The following SPAG9 variants were observed in gnomAD, a reference collection of about 807,000 sequenced individuals.
The protein encoded by SPAG9 is sperm associated antigen 9.
Under a neutral mutation model 166.5 loss-of-function variants are expected in SPAG9, and 35 were observed. The ratio of observed to expected loss-of-function variants is 0.21; its 90% CI spans 0.16 to 0.28. SPAG9 has a LOEUF of 0.28. Among genes scored for constraint, SPAG9 ranks in the 10% least tolerant of loss-of-function variants. The pLI is 1.00. For missense variants in SPAG9, 1,235 were observed against 1,603.3 expected, an observed-to-expected ratio of 0.77 and a Z score of 3.92; for synonymous variants, 534 against 565.5, an observed-to-expected ratio of 0.94 and a Z score of 0.79.
At chr17:51,022,509 G>T (rs1474681906) in intron 6 of SPAG9, among the ~76,000 whole-genome samples, 1 of 151,872 alleles carries the variant, frequency 6.6e-6, no homozygotes, top group Non-Finnish European at 1.5e-5. Flanking sequence ...TATTCAAAGG[G>T]GTTTGCAGCT....
In SPAG9 at chr17:50,966,402, G is replaced by C; in HGVS notation, c.3851-15C>G. 1 of 1,440,686 alleles carries C rather than the reference G, an allele frequency of 6.9e-7. No individual in the cohort carries two copies. Among genetic ancestry groups the C allele is most frequent in the South Asian group, 1.1e-5 (1 of 87,586 alleles). 89.2% of individuals were successfully genotyped at this position (1,440,686 alleles called of 1,614,324 possible). On this transcript the variant is annotated splice_polypyrimidine_tract_variant and intron_variant, in intron 29 of 29. Coordinates refer to ENST00000262013, the MANE Select transcript of SPAG9 (RefSeq NM_001130528.3). ...ACCTTCATCACCTAGTGAATGATAA[G>C]AAGACTCAAGTTAGGCTGAACACAT...
chr17:51,071,950 C>T (rs1354465540), intron 2 of SPAG9, among the ~76,000 whole-genome samples: 1 of 152,112 alleles, frequency 6.6e-6, no homozygotes, highest in Non-Finnish European at 1.5e-5. Context: ...TGGCACTCAA[C>T]AAAAAAATTG....
intron 4 of SPAG9, among the ~76,000 whole-genome samples, chr17:51,045,003 T>C (rs2046969826): frequency 6.6e-6 from 1 of 152,190 alleles, no homozygotes; most frequent in African/African-American, 2.4e-5. Context: ...ACTCAAGTAA[T>C]TTACCATATA....
chr17:51,031,760 T>C, intron 5 of SPAG9, 38 bp from the exon 6 acceptor site: 3 of 1,479,446 alleles, frequency 2.0e-6, no homozygotes, highest in Non-Finnish European at 2.8e-6. Flanking sequence ...AAAAAAATTA[T>C]GTGTTTACTA....
chr17:51,098,467 C>G (rs2048705783), intron 1 of SPAG9, among the ~76,000 whole-genome samples: 1 of 151,928 alleles, frequency 6.6e-6, no homozygotes, highest in Non-Finnish European at 1.5e-5. Flanking sequence ...GTCTCACAAG[C>G]CTGTGGGGGT....
At position 51,026,747 on chromosome 17, in the gene SPAG9, G is replaced by GCTCACCGCAACCTCTGC. The variant is rs991162962; in HGVS notation, c.783+4917_783+4933dup. Among the ~76,000 whole-genome samples the GCTCACCGCAACCTCTGC allele has an allele frequency of 2.7e-5, 4 of 149,864 alleles. No individual in the cohort carries two copies. The Admixed American group carries it at 2.7e-4, about 10-fold the overall frequency. ...GCTGTAGTGCAATGGCGCAATCTTG[G>GCTCACCGCAACCTCTGC]CTCACCGCAACCTCTGCCTCCCAGG... On this transcript the variant is annotated intron_variant, in intron 6 of 29. Coordinates refer to ENST00000262013, the MANE Select transcript of SPAG9 (RefSeq NM_001130528.3).
chr17:51,071,077 C>T (rs540840126), intron 2 of SPAG9, among the ~76,000 whole-genome samples: 1 of 152,038 alleles, frequency 6.6e-6, no homozygotes, highest in Admixed American at 6.6e-5. Flanking sequence ...TTCCTCCCCC[C>T]ACTAAACTAT....
intron 19 of SPAG9, 95 bp from the exon 20 acceptor site, chr17:50,990,763 A>C: frequency 1.1e-6 from 1 of 919,272 alleles, no homozygotes; most frequent in East Asian, 2.5e-5. Context: ...AGAGTTATGC[A>C]GGTGAGATGT....
At chr17:50,999,540 C>T (rs2044835124) in intron 14 of SPAG9, 121 bp downstream of exon 14, 2 of 1,453,340 alleles carry the variant, frequency 1.4e-6, no homozygotes, top group Non-Finnish European at 1.8e-6. Flanking sequence ...ACCATTACCC[C>T]TAGTTTAAAA....
intron 21 of SPAG9, among the ~76,000 whole-genome samples, chr17:50,988,216 CAA>C (rs568916564): frequency 2.3e-5 from 3 of 129,114 alleles, no homozygotes; most frequent in African/African-American, 2.9e-5. Flanking sequence ...ATTCCATCTC[CAA>C]AAAAAAAAAA....
intron 5 of SPAG9, among the ~76,000 whole-genome samples, chr17:51,038,222 G>A (rs897634988): frequency 6.6e-6 from 1 of 152,156 alleles, no homozygotes; most frequent in Admixed American, 6.5e-5. Flanking sequence ...AGAGATATGA[G>A]TTGTAGATTC....
In SPAG9 at chr17:50,990,465, T is replaced by A. The variant is rs752494098; in HGVS notation, c.2602A>T (p.Met868Leu). Residue 868 changes from methionine to leucine, a missense_variant, in exon 20 of 30, where the codon ATG becomes TTG. Met to Leu is a conservative substitution (Grantham distance 15, BLOSUM62 2). This residue lies in a region of SPAG9 where 493 missense variants were observed against 559.4 expected (regional missense o/e 0.88). Transcript: ENST00000262013. ...SPSTNGASPV[M>L]DKPPEMEAEN... ...ATGGATATACCTGGTGGTTTATCCA[T>A]CACTGGAGAAGCACCATTTGTACTA... 43 of 1,613,688 alleles carry A rather than the reference T, an allele frequency of 2.7e-5. No individual in the cohort carries two copies. In the Admixed American group the frequency reaches 5.3e-4, roughly 20 times the overall value.
intron 2 of SPAG9, among the ~76,000 whole-genome samples, chr17:51,073,184 C>T (rs1329335416): frequency 6.6e-6 from 1 of 152,020 alleles, no homozygotes; most frequent in African/African-American, 2.4e-5. Flanking sequence ...AAAAATTTTC[C>T]GGGCGTGGTG....
intron 6 of SPAG9, among the ~76,000 whole-genome samples, chr17:51,024,931 A>T (rs1043230732): frequency 6.6e-6 from 1 of 151,668 alleles, no homozygotes; most frequent in Non-Finnish European, 1.5e-5. Flanking sequence ...AGGCAGGAGA[A>T]TCGCTTGAAC....
chr17:51,005,068 G>T, intron 12 of SPAG9, 144 bp downstream of exon 12: 1 of 678,754 alleles, frequency 1.5e-6, no homozygotes, highest in Non-Finnish European at 2.5e-6. Context: ...GCAGAAGCAT[G>T]AGCTATCCTA....
At chr17:51,091,235 T>C (rs2048455258) in intron 1 of SPAG9, among the ~76,000 whole-genome samples, 1 of 144,164 alleles carries the variant, frequency 6.9e-6, no homozygotes, top group African/African-American at 2.6e-5. Context: ...AGTGAGCCAC[T>C]GCACTCCAGC....
intron 13 of SPAG9, among the ~76,000 whole-genome samples, chr17:51,000,983 C>T (rs2044922467): frequency 6.6e-6 from 1 of 152,078 alleles, no homozygotes; most frequent in Non-Finnish European, 1.5e-5. Flanking sequence ...TATGTTAAAA[C>T]ACTTGATTCT....
chr17:50,996,461 A>G, intron 16 of SPAG9, 104 bp downstream of exon 16: 1 of 1,336,992 alleles, frequency 7.5e-7, no homozygotes, highest in Non-Finnish European at 1.0e-6. Context: ...CATGCGGCTG[A>G]GATGAGCAGG....
chr17:50,971,458 C>T lies in SPAG9; in HGVS notation c.3701-602G>A, dbSNP rs527726897. On this transcript the variant is annotated intron_variant, in intron 28 of 29. Coordinates refer to ENST00000262013, the MANE Select transcript of SPAG9 (RefSeq NM_001130528.3). ...GGTCTTAGCTGCCTGCTTCAAACTA[C>T]CTTTTTTTTTTTTTTTTTTTTTTTT... 2.2e-3 allele frequency among the ~76,000 whole-genome samples: 312 copies of T among 140,546 alleles called. 2 individuals carry two copies. The highest frequency in any genetic ancestry group is 8.0e-3 in the African/African-American group (299 of 37,602). 92.2% of individuals were successfully genotyped at this position (140,546 alleles called of 152,430 possible).
Sources: allele counts gnomAD v4.1 joint callset (sites outside exome capture counted in the v4.1 genomes callset), GRCh38; gene constraint gnomAD v4.1.1; regional missense constraint gnomAD v4.1.1; transcripts MANE v1.5; gene names NCBI Gene and HGNC (gene_info 2026-07-23, HGNC 2026-07-21).